The following ATXN7L1 variants were observed in gnomAD, a reference collection of about 807,000 sequenced individuals.
ATXN7L1 encodes the protein ataxin-7-like protein 1.
A neutral mutation model predicts 70.8 loss-of-function variants in ATXN7L1; 15 were observed. The observed-to-expected ratio is 0.21, with a 90% CI of 0.14 to 0.33. The LOEUF is 0.33. Ranked by LOEUF, ATXN7L1 falls within the 10% of genes least tolerant of loss-of-function variation. The probability of loss-of-function intolerance (pLI) is 1.00; values close to 1 mark genes in which losing one functional copy is unlikely to be tolerated. For missense variants in ATXN7L1, 975 were observed against 1,097.1 expected (o/e 0.89, Z 1.57); for synonymous variants, 440 against 445.1 (o/e 0.99, Z 0.14).
intron 3 of ATXN7L1, among the ~76,000 whole-genome samples, chr7:105,720,218 G>T (rs1187022491): frequency 1.3e-5 from 2 of 152,218 alleles, no homozygotes; most frequent in Admixed American, 1.3e-4. Flanking sequence ...CATATCTGCA[G>T]AGTGCAGACT....
At chr7:105,788,490 A>G (rs998761335) in intron 3 of ATXN7L1, 114 bp downstream of exon 3, 1 of 857,188 alleles carries the variant, frequency 1.2e-6, no homozygotes. Flanking sequence ...GACTTTACCC[A>G]CAGCCTCAGG....
chr7:105,777,939 T>C (rs1251179306), intron 3 of ATXN7L1, among the ~76,000 whole-genome samples: 1 of 152,254 alleles, frequency 6.6e-6, no homozygotes, highest in Non-Finnish European at 1.5e-5. Context: ...TGGGACACTC[T>C]TGTGACAGCT....
chr7:105,692,192 CTG>C (rs1042362035), intron 3 of ATXN7L1, among the ~76,000 whole-genome samples: 1 of 152,068 alleles, frequency 6.6e-6, no homozygotes, highest in African/African-American at 2.4e-5. Context: ...ACATGACACA[CTG>C]CGGTTATTAG....
intron 3 of ATXN7L1, among the ~76,000 whole-genome samples, chr7:105,699,105 C>G (rs1257371141): frequency 6.6e-6 from 1 of 151,928 alleles, no homozygotes; most frequent in Non-Finnish European, 1.5e-5. Context: ...GAACAGGGCT[C>G]TTTCCAAAAG....
rs528966288 is a variant in ATXN7L1 at position 105,750,013 on chromosome 7, T to C, written c.355+38591A>G. Among the ~76,000 whole-genome samples the C allele has an allele frequency of 7.2e-5, 11 of 151,864 alleles. No individual in the cohort carries two copies. The South Asian group carries it at 2.3e-3, about 32-fold the overall frequency. The stretch of plus-strand genomic sequence containing the variant: ...AATCTTAATTTGCCTTTAACAGCTG[T>C]ACCCCACAGGAACCTATGAGGTCTT... On this transcript the variant is annotated intron_variant, in intron 3 of 11. Transcript: ENST00000419735.
chr7:105,642,215 C>T (rs1406010983), intron 5 of ATXN7L1, among the ~76,000 whole-genome samples: 1 of 152,228 alleles, frequency 6.6e-6, no homozygotes, highest in Non-Finnish European at 1.5e-5. Flanking sequence ...AGTGTCTGCT[C>T]AGACAACCAA....
intron 3 of ATXN7L1, among the ~76,000 whole-genome samples, chr7:105,700,767 C>T (rs1792349252): frequency 6.6e-6 from 1 of 151,972 alleles, no homozygotes; most frequent in South Asian, 2.1e-4. Context: ...CTGCAACCTC[C>T]ACCTCCTGGG....
intron 3 of ATXN7L1, among the ~76,000 whole-genome samples, chr7:105,718,306 G>A (rs1174744604): frequency 1.3e-5 from 2 of 152,204 alleles, no homozygotes; most frequent in Non-Finnish European, 2.9e-5. Flanking sequence ...GGAAGGCAGG[G>A]TATTTTGCAG....
chr7:105,759,959 CT>C (rs1207629581), intron 3 of ATXN7L1, among the ~76,000 whole-genome samples: 3 of 152,136 alleles, frequency 2.0e-5, no homozygotes, highest in African/African-American at 7.2e-5. Context: ...GAGGAATCAG[CT>C]GGAGGTCACC....
intron 3 of ATXN7L1, among the ~76,000 whole-genome samples, chr7:105,686,645 C>T (rs190334218): frequency 1.1e-4 from 17 of 152,300 alleles, no homozygotes; most frequent in African/African-American, 1.9e-4. Context: ...TGCCCTAACA[C>T]GAAGCCTATT....
intron 10 of ATXN7L1, chr7:105,613,644 T>C: frequency 7.0e-7 from 1 of 1,420,170 alleles, no homozygotes; most frequent in Non-Finnish European, 9.2e-7. Flanking sequence ...GTAATAACCG[T>C]AAAGTGCCGA....
At chr7:105,730,901 T>C (rs1796462371) in intron 3 of ATXN7L1, among the ~76,000 whole-genome samples, 1 of 152,172 alleles carries the variant, frequency 6.6e-6, no homozygotes, top group Non-Finnish European at 1.5e-5. Context: ...TCAAGAATTG[T>C]AGCAGATGTA....
intron 9 of ATXN7L1, among the ~76,000 whole-genome samples, chr7:105,619,520 ATATATATATATTTTTTTTTTTTTTTT>A (rs1794557700): frequency 1.0e-4 from 2 of 19,084 alleles, no homozygotes; most frequent in Non-Finnish European, 1.8e-4. Context: ...ATATATATAT[ATATATATATATTTTTTTTTTTTTTTT>A]TTTTTTTTTT....
intron 3 of ATXN7L1, among the ~76,000 whole-genome samples, chr7:105,764,872 G>A (rs1801039098): frequency 6.6e-6 from 1 of 151,676 alleles, no homozygotes; most frequent in Non-Finnish European, 1.5e-5. Context: ...AATATATCAT[G>A]TACAGCTGGC....
chr7:105,724,463 A>G (rs1474549703), intron 3 of ATXN7L1, among the ~76,000 whole-genome samples: 1 of 150,766 alleles, frequency 6.6e-6, no homozygotes, highest in African/African-American at 2.4e-5. Context: ...AATCCCAGCT[A>G]CTCAGGAGGC....
chr7:105,732,398 A>G (rs1465093499), intron 3 of ATXN7L1, among the ~76,000 whole-genome samples: 1 of 152,198 alleles, frequency 6.6e-6, no homozygotes, highest in Non-Finnish European at 1.5e-5. Flanking sequence ...GGGCGACAAT[A>G]AAAGCCAAAA....
intron 3 of ATXN7L1, among the ~76,000 whole-genome samples, chr7:105,767,170 G>A (rs1177445842): frequency 1.3e-5 from 2 of 152,128 alleles, no homozygotes; most frequent in East Asian, 3.9e-4. Context: ...AGAAAAGACT[G>A]ATACAAGTGA....
At position 105,729,736 on chromosome 7, in the gene ATXN7L1, CTT is replaced by C. The variant is rs55774943; in HGVS notation, c.355+58866_355+58867del. On this transcript the variant is annotated intron_variant, in intron 3 of 11. Transcript: ENST00000419735. ...TGAGCCACTGTGCCTGGCACCACTT[CTT>C]TTTTTTTTTTTTTTTCTGAGATGGA... 2.5e-3 allele frequency among the ~76,000 whole-genome samples: 328 copies of C among 129,514 alleles called. 1 individual carries two copies. The highest frequency in any genetic ancestry group is 8.3e-3 in the African/African-American group (280 of 33,748). 85.0% of individuals were successfully genotyped at this position (129,514 alleles called of 152,430 possible).
chr7:105,641,367 G>T (rs1471104664), intron 5 of ATXN7L1, among the ~76,000 whole-genome samples: 1 of 151,570 alleles, frequency 6.6e-6, no homozygotes, highest in East Asian at 1.9e-4. Context: ...CCTGTGCCTG[G>T]TCCCACACCA....
Sources: gnomAD v4.1 joint callset for allele counts (sites outside exome capture counted in the v4.1 genomes callset) on GRCh38, gnomAD v4.1.1 for gene constraint, MANE v1.5 for transcripts, NCBI Gene and HGNC (gene_info 2026-07-23, HGNC 2026-07-21) for gene names.